Variants in SDK1 observed in about 807,000 individuals in gnomAD.
SDK1 encodes protein sidekick-1.
In SDK1, 157 loss-of-function variants were observed where a neutral mutation model predicts 245.5. The observed-to-expected ratio is 0.64, with a 90% CI of 0.56 to 0.73. The LOEUF (loss-of-function observed/expected upper bound fraction) is 0.73, where lower values mean the gene tolerates loss of function less well. Among genes scored for constraint, SDK1 ranks in the 30% least tolerant of loss-of-function variants. SDK1 has a pLI of 0.00. For missense variants in SDK1, 3,583 were observed against 3,002.3 expected, an observed-to-expected ratio of 1.19 and a Z score of -4.52; for synonymous variants, 1,647 against 1,278.5, an observed-to-expected ratio of 1.29 and a Z score of -6.15.
At chr7:3,561,223 C>G (rs1779741027) in intron 1 of SDK1, among the ~76,000 whole-genome samples, 1 of 152,164 alleles carries the variant, frequency 6.6e-6, no homozygotes, top group Non-Finnish European at 1.5e-5. Flanking sequence ...TTCCTTTTTA[C>G]TCTCCTTGTT....
At chr7:3,741,767 A>T (rs1779481291) in intron 4 of SDK1, among the ~76,000 whole-genome samples, 1 of 152,114 alleles carries the variant, frequency 6.6e-6, no homozygotes, top group African/African-American at 2.4e-5. Flanking sequence ...CTCCTGTGCA[A>T]ACCAAAGAAC....
At chr7:3,580,968 C>CATA (rs1780461346) in intron 1 of SDK1, among the ~76,000 whole-genome samples, 1 of 24,888 alleles carries the variant, frequency 4.0e-5, no homozygotes, top group African/African-American at 1.1e-4. Flanking sequence ...GACTCCATCT[C>CATA]AAAAAAAAAA....
chr7:3,354,029 G>T (rs1780729353), intron 1 of SDK1, among the ~76,000 whole-genome samples: 2 of 145,690 alleles, frequency 1.4e-5, no homozygotes, highest in Admixed American at 1.4e-4. Flanking sequence ...CTCTCGCTCT[G>T]TTGCCCAGGC....
intron 44 of SDK1, among the ~76,000 whole-genome samples, chr7:4,258,841 C>T (rs1787787744): frequency 6.6e-6 from 1 of 152,148 alleles, no homozygotes; most frequent in South Asian, 2.1e-4. Flanking sequence ...TGATAATGAA[C>T]CCTAACCCCA....
intron 1 of SDK1, among the ~76,000 whole-genome samples, chr7:3,353,527 A>T (rs982680738): frequency 6.6e-6 from 1 of 152,176 alleles, no homozygotes; most frequent in African/African-American, 2.4e-5. Flanking sequence ...TCTTTGTAAA[A>T]TTGGAAAAGT....
chr7:3,434,400 G>A (rs1354157870), intron 1 of SDK1, among the ~76,000 whole-genome samples: 1 of 152,152 alleles, frequency 6.6e-6, no homozygotes, highest in Non-Finnish European at 1.5e-5. Flanking sequence ...GAGGCTATGT[G>A]CCCTACGCCA....
In SDK1 at chr7:4,064,081, G is replaced by A. The variant is rs183094362; in HGVS notation, c.2912-3757G>A. On this transcript the variant is annotated intron_variant, in intron 19 of 44. Transcript: ENST00000404826. The stretch of plus-strand genomic sequence containing the variant: ...AACAAAACCAAAAATAGACAAATGG[G>A]ACTATATCAAACTTAAAAACTTCTG... Among the ~76,000 whole-genome samples, 635 of 152,198 alleles carry A rather than the reference G, an allele frequency of 4.2e-3. 8 individuals carry two copies. Among genetic ancestry groups the A allele is most frequent in the African/African-American group, 0.015 (610 of 41,528 alleles).
intron 5 of SDK1, among the ~76,000 whole-genome samples, chr7:3,872,580 C>CTTTT (rs57740560): frequency 1.4e-5 from 2 of 140,094 alleles, no homozygotes; most frequent in Admixed American, 7.1e-5. Context: ...TTTTTGGTAT[C>CTTTT]TTTTTTTTTT....
At chr7:4,111,098 C>CCACA (rs1456872570) in intron 23 of SDK1, among the ~76,000 whole-genome samples, 1 of 152,192 alleles carries the variant, frequency 6.6e-6, no homozygotes, top group African/African-American at 2.4e-5. Flanking sequence ...TTACCAAACT[C>CCACA]CACAACCTGT....
chr7:3,370,986 G>T (rs1300259531), intron 1 of SDK1, among the ~76,000 whole-genome samples: 3 of 152,070 alleles, frequency 2.0e-5, no homozygotes, highest in African/African-American at 7.2e-5. Flanking sequence ...AGGTGCTAAG[G>T]GTGCCGTCCA....
intron 4 of SDK1, 100 bp from the exon 5 acceptor site, chr7:3,821,350 A>G: frequency 7.4e-7 from 1 of 1,345,874 alleles, no homozygotes; most frequent in Non-Finnish European, 1.0e-6. Context: ...CTTCTTTTAA[A>G]CTCTAGGCAT....
At chr7:3,820,018 A>T (rs1490863710) in intron 4 of SDK1, among the ~76,000 whole-genome samples, 1 of 152,144 alleles carries the variant, frequency 6.6e-6, no homozygotes, top group African/African-American at 2.4e-5. Context: ...AACACAACTC[A>T]CTCTAGAGAC....
chr7:3,661,081 T>C (rs1024276480), intron 4 of SDK1, among the ~76,000 whole-genome samples: 2 of 152,218 alleles, frequency 1.3e-5, no homozygotes, highest in African/African-American at 4.8e-5. Context: ...TCTAAAATCA[T>C]TGAGAATCCG....
At chr7:4,205,680 C>G (rs1389907599) in intron 35 of SDK1, among the ~76,000 whole-genome samples, 199 bp from the exon 36 acceptor site, 1 of 152,222 alleles carries the variant, frequency 6.6e-6, no homozygotes, top group Non-Finnish European at 1.5e-5. Context: ...GCTGAGAGCT[C>G]TTAGGGGGAC....
chr7:3,413,590 C>G (rs1779274151), intron 1 of SDK1, among the ~76,000 whole-genome samples: 1 of 152,102 alleles, frequency 6.6e-6, no homozygotes, highest in Admixed American at 6.5e-5. Flanking sequence ...ACTGGGAGGG[C>G]TGAGACAGGA....
chr7:3,690,837 C>G (rs903531045), intron 4 of SDK1, among the ~76,000 whole-genome samples: 4 of 152,186 alleles, frequency 2.6e-5, no homozygotes, highest in African/African-American at 9.6e-5. Context: ...AAAAGTAATA[C>G]TTTGCGTGTA....
At chr7:4,106,674 C>T (rs999676190) in intron 22 of SDK1, among the ~76,000 whole-genome samples, 4 of 152,186 alleles carry the variant, frequency 2.6e-5, no homozygotes, top group African/African-American at 9.7e-5. Flanking sequence ...TCAGAGAAAC[C>T]CGATGAGCCT....
rs1788633322 is a variant in SDK1, at chr7:4,268,835, C to A, written c.*3451C>A. ...TGGGACACGTCTCCTTCCCGCGTCA[C>A]CTTCTGGTTTAGGGAGCCGTCAGGT... On this transcript the variant is annotated 3_prime_UTR_variant, in exon 45 of 45. Transcript: ENST00000404826. 1 of 1,049,878 alleles carries A rather than the reference C, an allele frequency of 9.5e-7. No individual in the cohort carries two copies. The highest frequency in any genetic ancestry group is 1.4e-6 in the Non-Finnish European group (1 of 736,674). 65.0% of individuals were successfully genotyped at this position (1,049,878 alleles called of 1,614,324 possible). A position where few individuals can be genotyped will look rare whatever the true frequency, so the allele number is the denominator to read the frequency against.
intron 19 of SDK1, among the ~76,000 whole-genome samples, chr7:4,052,487 C>T (rs1778932405): frequency 1.3e-5 from 2 of 151,926 alleles, no homozygotes; most frequent in South Asian, 2.1e-4. Context: ...TATAGAATGA[C>T]AACATAAGAA....
Sources: allele counts gnomAD v4.1 joint callset (sites outside exome capture counted in the v4.1 genomes callset), GRCh38; gene constraint gnomAD v4.1.1; transcripts MANE v1.5; gene names NCBI Gene and HGNC (gene_info 2026-07-23, HGNC 2026-07-21).